The following RANBP17 variants were observed in gnomAD, a reference collection of about 807,000 sequenced individuals.
The protein encoded by RANBP17 is ran-binding protein 17.
A neutral mutation model predicts 141.2 loss-of-function variants in RANBP17; 158 were observed. The observed-to-expected ratio is 1.12, with a 90% CI of 0.98 to 1.28. The LOEUF is 1.28. RANBP17 is among the 50% of genes most tolerant of loss of function. The pLI is 0.00. For synonymous variants in RANBP17, 430 were observed against 450.0 expected (o/e 0.96, Z 0.56); for missense variants, 1,438 against 1,290.7 (o/e 1.11, Z -1.75).
At chr5:170,948,117 G>A (rs1032303744) in intron 12 of RANBP17, among the ~76,000 whole-genome samples, 3 of 152,156 alleles carry the variant, frequency 2.0e-5, no homozygotes, top group African/African-American at 7.2e-5. Context: ...CAGCATAGTT[G>A]TATCTTTCCC....
In RANBP17 at chr5:170,992,339, G is replaced by A. The variant is rs149571995; in HGVS notation, c.1710+23962G>A. On this transcript the variant is annotated intron_variant, in intron 14 of 27. Transcript: ENST00000523189. ...ATAATAATATTCATTGCTCTTTTTG[G>A]TAATTGAATCAGTGTAATCAGTGTG... Among the ~76,000 whole-genome samples the A allele has an allele frequency of 3.3e-3, 495 of 151,988 alleles. 2 individuals are homozygous for A. The highest frequency in any genetic ancestry group is 0.011 in the African/African-American group (464 of 41,472).
At chr5:170,896,785 G>A (rs1385442051) in intron 5 of RANBP17, 12 of 367,120 alleles carry the variant, frequency 3.3e-5, no homozygotes, top group Admixed American at 2.1e-4. Context: ...AGCTGAGATC[G>A]TGCCACTGCA....
intron 14 of RANBP17, among the ~76,000 whole-genome samples, chr5:171,093,317 T>G (rs1455587460): frequency 6.6e-6 from 1 of 152,182 alleles, no homozygotes; most frequent in Non-Finnish European, 1.5e-5. Context: ...AGCTCTACTT[T>G]ATTTATTTAT....
chr5:170,911,826 T>A (rs1266351867), intron 7 of RANBP17, among the ~76,000 whole-genome samples: 1 of 151,876 alleles, frequency 6.6e-6, no homozygotes, highest in Non-Finnish European at 1.5e-5. Flanking sequence ...GGAAGCTAAT[T>A]TGTTCTCCCA....
At position 171,003,222 on chromosome 5, in the gene RANBP17, A is replaced by C. The variant is rs565467277; in HGVS notation, c.1710+34845A>C. Among the ~76,000 whole-genome samples the C allele has an allele frequency of 7.9e-5, 12 of 152,310 alleles. No homozygotes were observed. In the East Asian group the frequency reaches 2.1e-3, roughly 27 times the overall value. Reference sequence around the variant, plus strand: ...ATGCACAGCCCTGCAATTCAGCTGTATGTAATGAAAACAGTTAGGATGAGT... The same window carrying C: ...ATGCACAGCCCTGCAATTCAGCTGTCTGTAATGAAAACAGTTAGGATGAGT... On this transcript the variant is annotated intron_variant, in intron 14 of 27. Coordinates refer to ENST00000523189, the MANE Select transcript of RANBP17 (RefSeq NM_022897.5).
In RANBP17 at chr5:171,199,698, C is replaced by A; in HGVS notation, c.2067C>A (p.Phe689Leu). 1.2e-6 allele frequency: 2 copies of A among 1,609,864 alleles called. No individual in the cohort carries two copies. Among genetic ancestry groups the A allele is most frequent in the Middle Eastern group, 1.7e-4 (1 of 6,050 alleles). ...LGEDEDEFENFMLPLTVAFET... is the reference protein window; with the variant it reads ...LGEDEDEFENLMLPLTVAFET... The stretch of plus-strand genomic sequence containing the variant: ...AAGATGAGGATGAATTTGAGAATTT[C>A]ATGCTGCCTCTTACAGTTGCTTTTG... The change falls in exon 19 of 28, where the codon TTC becomes TTA. Residue 689 changes from phenylalanine to leucine, a missense_variant. By Grantham distance (22) the Phe-to-Leu change is conservative. Transcript: ENST00000523189.
At chr5:171,242,341 A>C (rs1332011073) in intron 23 of RANBP17, among the ~76,000 whole-genome samples, 1 of 152,224 alleles carries the variant, frequency 6.6e-6, no homozygotes, top group African/African-American at 2.4e-5. Flanking sequence ...CTTTGTGTTT[A>C]AAAAACCAAC....
At chr5:170,943,156 A>G (rs148467239) in intron 12 of RANBP17, among the ~76,000 whole-genome samples, 99 of 152,236 alleles carry the variant, frequency 6.5e-4, no homozygotes, top group Non-Finnish European at 1.0e-3. Context: ...AATGCCTAAC[A>G]TGGCCCTAGT....
chr5:170,998,592 G>C (rs1778994812), intron 14 of RANBP17, among the ~76,000 whole-genome samples: 1 of 152,110 alleles, frequency 6.6e-6, no homozygotes, highest in Non-Finnish European at 1.5e-5. Flanking sequence ...CAGTGTAATA[G>C]TCTTGTTGAA....
intron 13 of RANBP17, among the ~76,000 whole-genome samples, chr5:170,962,578 T>C (rs1776232317): frequency 6.6e-6 from 1 of 152,226 alleles, no homozygotes; most frequent in African/African-American, 2.4e-5. Context: ...TGTATATATC[T>C]ATTTATTTAA....
rs1212870625 is a variant in RANBP17, at chr5:171,041,660, G to A, written c.1710+73283G>A. Among the ~76,000 whole-genome samples, 3 of 152,034 alleles carry A rather than the reference G, an allele frequency of 2.0e-5. No individual in the cohort carries two copies. In the East Asian group the frequency reaches 5.8e-4, roughly 29 times the overall value. On this transcript the variant is annotated intron_variant, in intron 14 of 27. Transcript: ENST00000523189. ...ACAGCATGTTACTATACTGAATACTGTAAACAATTGTAACACAATGGTAAG... is the reference window on the plus strand; with the variant it reads ...ACAGCATGTTACTATACTGAATACTATAAACAATTGTAACACAATGGTAAG...
At chr5:170,953,778 G>A (rs1198034840) in intron 13 of RANBP17, 76 bp downstream of exon 13, 15 of 931,918 alleles carry the variant, frequency 1.6e-5, no homozygotes, top group East Asian at 2.6e-5. Context: ...AGTATTATGA[G>A]TGAAGACATT....
chr5:170,937,159 A>C (rs1463876920), intron 12 of RANBP17, among the ~76,000 whole-genome samples: 3 of 152,160 alleles, frequency 2.0e-5, no homozygotes, highest in Non-Finnish European at 2.9e-5. Context: ...CATTTAAATT[A>C]TTTCCTTAGA....
At chr5:171,231,577 G>A (rs1764212855) in intron 22 of RANBP17, among the ~76,000 whole-genome samples, 1 of 152,184 alleles carries the variant, frequency 6.6e-6, no homozygotes, top group South Asian at 2.1e-4. Context: ...ATCTGACTGA[G>A]AGACTAGAAG....
chr5:171,271,017 A>AATTGTG (rs1206183858), intron 25 of RANBP17: 6 of 168,960 alleles, frequency 3.6e-5, no homozygotes, highest in Non-Finnish European at 7.5e-5. Flanking sequence ...AAGAAATTCT[A>AATTGTG]ATTGTGATTT....
At chr5:170,981,488 T>C (rs1777768357) in intron 14 of RANBP17, among the ~76,000 whole-genome samples, 1 of 152,018 alleles carries the variant, frequency 6.6e-6, no homozygotes, top group African/African-American at 2.4e-5. Context: ...GTCTTTCCCC[T>C]GCTGTTCTTG....
chr5:171,039,493 T>C (rs1214932890), intron 14 of RANBP17, among the ~76,000 whole-genome samples: 2 of 152,146 alleles, frequency 1.3e-5, no homozygotes, highest in Non-Finnish European at 2.9e-5. Flanking sequence ...TAGACCTTTG[T>C]TGGATGCATA....
At chr5:171,252,602 A>G in intron 24 of RANBP17, 3 of 1,354,970 alleles carry the variant, frequency 2.2e-6, no homozygotes, top group Non-Finnish European at 2.1e-6. Context: ...AGATTTAAAT[A>G]TAAGGATCAA....
At chr5:171,073,561 G>A (rs1184940010) in intron 14 of RANBP17, among the ~76,000 whole-genome samples, 1 of 152,106 alleles carries the variant, frequency 6.6e-6, no homozygotes, top group Non-Finnish European at 1.5e-5. Flanking sequence ...AGAGATTCAT[G>A]TTTATTTTAA....
Sources: gnomAD v4.1 joint callset for allele counts (sites outside exome capture counted in the v4.1 genomes callset) on GRCh38, gnomAD v4.1.1 for gene constraint, MANE v1.5 for transcripts, NCBI Gene and HGNC (gene_info 2026-07-23, HGNC 2026-07-21) for gene names.